Variants in MAGI2 observed in about 807,000 individuals in gnomAD.
MAGI2 encodes membrane associated guanylate kinase, WW and PDZ domain containing 2.
Under a neutral mutation model 133.3 loss-of-function variants are expected in MAGI2, and 35 were observed. The observed-to-expected ratio is 0.26, with a 90% CI of 0.20 to 0.35. MAGI2 has a LOEUF of 0.35. Ranked by LOEUF, MAGI2 falls within the 10% of genes least tolerant of loss-of-function variation. MAGI2 has a pLI of 1.00. For missense variants in MAGI2, 1,636 were observed against 1,863.4 expected (o/e 0.88, Z 2.25); for synonymous variants, 729 against 710.6 (o/e 1.03, Z -0.41).
At chr7:78,351,448 A>C (rs1791501759) in intron 7 of MAGI2, among the ~76,000 whole-genome samples, 1 of 152,036 alleles carries the variant, frequency 6.6e-6, no homozygotes, top group South Asian at 2.1e-4. Flanking sequence ...ATTAGGGATG[A>C]AATGTGGGAG....
intron 3 of MAGI2, among the ~76,000 whole-genome samples, chr7:78,578,580 G>T (rs554765839): frequency 1.3e-5 from 2 of 152,146 alleles, no homozygotes; most frequent in East Asian, 1.9e-4. Flanking sequence ...CTTCTCTAAA[G>T]CTAACTAGAA....
intron 15 of MAGI2, among the ~76,000 whole-genome samples, chr7:78,160,596 C>T (rs1478375011): frequency 2.6e-5 from 4 of 152,170 alleles, no homozygotes; most frequent in African/African-American, 9.7e-5. Context: ...TGAGGTTCTT[C>T]TTTGCATAAG....
At chr7:79,174,611 G>C (rs1384494504) in intron 1 of MAGI2, among the ~76,000 whole-genome samples, 1 of 150,028 alleles carries the variant, frequency 6.7e-6, no homozygotes, top group Non-Finnish European at 1.5e-5. Context: ...CAGCACTTTG[G>C]GAGGCCAAGG....
At chr7:78,686,608 G>C (rs2159017) in intron 2 of MAGI2, among the ~76,000 whole-genome samples, 4 of 148,902 alleles carry the variant, frequency 2.7e-5, no homozygotes, top group Non-Finnish European at 5.9e-5. Context: ...AGATGAAATT[G>C]TATCTGAAGA....
At chr7:79,277,006 T>C (rs1341482837) in intron 1 of MAGI2, among the ~76,000 whole-genome samples, 1 of 151,920 alleles carries the variant, frequency 6.6e-6, no homozygotes, top group Non-Finnish European at 1.5e-5. Context: ...TAAACTTAGT[T>C]GATAAAGCAG....
At chr7:78,610,017 T>C (rs1169109421) in intron 3 of MAGI2, among the ~76,000 whole-genome samples, 2 of 152,146 alleles carry the variant, frequency 1.3e-5, no homozygotes, top group Admixed American at 6.5e-5. Flanking sequence ...ATGTGGGAAC[T>C]GGAAGCAAAA....
chr7:79,315,421 C>T (rs570396371), intron 1 of MAGI2, among the ~76,000 whole-genome samples: 4 of 151,322 alleles, frequency 2.6e-5, no homozygotes, highest in African/African-American at 7.3e-5. Context: ...GTGATCCACC[C>T]GCCTCAGCCC....
At chr7:78,346,498 C>A (rs1480834137) in intron 7 of MAGI2, among the ~76,000 whole-genome samples, 6 of 152,154 alleles carry the variant, frequency 3.9e-5, no homozygotes, top group Non-Finnish European at 7.4e-5. Flanking sequence ...AGAGTCTGCA[C>A]TTTTTAGAGT....
intron 10 of MAGI2, among the ~76,000 whole-genome samples, chr7:78,214,144 A>C (rs6945138): frequency 0.29 from 44,082 of 152,096 alleles, 6,991 homozygotes; most frequent in Admixed American, 0.35. Context: ...GGTAATCCGA[A>C]GCCCACTGAT....
chr7:78,591,152 A>C (rs1242642177), intron 3 of MAGI2, among the ~76,000 whole-genome samples: 1 of 152,234 alleles, frequency 6.6e-6, no homozygotes, highest in Non-Finnish European at 1.5e-5. Flanking sequence ...GAAAGAAATA[A>C]ATACCATGAG....
chr7:78,652,179 A>C (rs1811647847), intron 2 of MAGI2, among the ~76,000 whole-genome samples: 1 of 152,198 alleles, frequency 6.6e-6, no homozygotes, highest in Non-Finnish European at 1.5e-5. Flanking sequence ...TTAGCATTTA[A>C]GATTTTACAT....
intron 3 of MAGI2, among the ~76,000 whole-genome samples, chr7:78,560,850 C>G (rs1022556776): frequency 4.6e-5 from 7 of 152,020 alleles, no homozygotes; most frequent in African/African-American, 7.2e-5. Flanking sequence ...GAAGGCTGAT[C>G]ATGGACAACA....
intron 9 of MAGI2, among the ~76,000 whole-genome samples, chr7:78,311,773 CTTT>C (rs11332610): frequency 3.6e-5 from 5 of 138,926 alleles, no homozygotes; most frequent in Admixed American, 7.3e-5. Context: ...TTCACAAATT[CTTT>C]TTTTTTTTTT....
chr7:78,803,610 A>C (rs1182683978), intron 2 of MAGI2, among the ~76,000 whole-genome samples: 2 of 152,238 alleles, frequency 1.3e-5, no homozygotes, highest in South Asian at 2.1e-4. Flanking sequence ...AGGATTATTT[A>C]AATTTGATTT....
chr7:78,402,853 T>C (rs1240024325), intron 6 of MAGI2, among the ~76,000 whole-genome samples: 1 of 152,096 alleles, frequency 6.6e-6, no homozygotes, highest in Non-Finnish European at 1.5e-5. Context: ...ATATGAAAAA[T>C]TTCATGCAAA....
At chr7:78,717,461 C>G (rs1285105904) in intron 2 of MAGI2, among the ~76,000 whole-genome samples, 2 of 152,142 alleles carry the variant, frequency 1.3e-5, no homozygotes, top group East Asian at 3.9e-4. Flanking sequence ...TGGTGAAAAT[C>G]TGCTACAAAT....
chr7:78,046,556 C>T (rs927793104), intron 21 of MAGI2, among the ~76,000 whole-genome samples: 2 of 152,164 alleles, frequency 1.3e-5, no homozygotes, highest in African/African-American at 4.8e-5. Flanking sequence ...ATAGAATTCA[C>T]TAACAGATCC....
chr7:78,624,847 A>C (rs1196338662), intron 3 of MAGI2, among the ~76,000 whole-genome samples: 1 of 152,192 alleles, frequency 6.6e-6, no homozygotes, highest in Non-Finnish European at 1.5e-5. Context: ...ATAAATGACT[A>C]TATTACTGGC....
At chr7:79,430,555 G>A (rs1036656922) in intron 1 of MAGI2, among the ~76,000 whole-genome samples, 1 of 152,110 alleles carries the variant, frequency 6.6e-6, no homozygotes, top group Non-Finnish European at 1.5e-5. Flanking sequence ...TCAATTGCCA[G>A]TTCCACAACC....
Sources: gnomAD v4.1 joint callset for allele counts (sites outside exome capture counted in the v4.1 genomes callset) on GRCh38, gnomAD v4.1.1 for gene constraint, MANE v1.5 for transcripts, NCBI Gene and HGNC (gene_info 2026-07-23, HGNC 2026-07-21) for gene names.